CERS6: variants seen among roughly 807,000 people sequenced by gnomAD.
CERS6 encodes LAG1 homolog, ceramide synthase 6.
CERS6 carries 26 observed loss-of-function variants against 56.8 expected under a neutral mutation model. The observed-to-expected ratio is 0.46, with a 90% CI of 0.34 to 0.63. The LOEUF (loss-of-function observed/expected upper bound fraction) is 0.63, where lower values mean the gene tolerates loss of function less well. Among genes scored for constraint, CERS6 ranks in the 30% least tolerant of loss-of-function variants. The probability of loss-of-function intolerance (pLI) is 0.01; values close to 1 mark genes in which losing one functional copy is unlikely to be tolerated. For missense variants in CERS6, 415 were observed against 467.5 expected (o/e 0.89, Z 1.04); for synonymous variants, 164 against 173.3 (o/e 0.95, Z 0.42).
chr2:168,503,760 G>A (rs1308471115), intron 1 of CERS6, among the ~76,000 whole-genome samples: 1 of 152,132 alleles, frequency 6.6e-6, no homozygotes, highest in Non-Finnish European at 1.5e-5. Context: ...GGTGAGGTGA[G>A]TTGACCTTTT....
chr2:168,755,757 A>G (rs182390858), intron 8 of CERS6, among the ~76,000 whole-genome samples: 4 of 152,342 alleles, frequency 2.6e-5, no homozygotes, highest in Admixed American at 2.6e-4. Flanking sequence ...CCAGGCAGCT[A>G]GCAATTCCCT....
At chr2:168,499,151 C>T (rs1237202444) in intron 1 of CERS6, among the ~76,000 whole-genome samples, 1 of 152,060 alleles carries the variant, frequency 6.6e-6, no homozygotes. Context: ...TGATGGGACC[C>T]CTATGGTCAA....
intron 2 of CERS6, among the ~76,000 whole-genome samples, chr2:168,555,817 A>G (rs1384725352): frequency 1.3e-5 from 2 of 151,654 alleles, no homozygotes; most frequent in Admixed American, 6.6e-5. Flanking sequence ...CCAGGCTCAG[A>G]TGCTCTCACA....
chr2:168,642,208 C>CA (rs946131812), intron 4 of CERS6, among the ~76,000 whole-genome samples: 4 of 151,878 alleles, frequency 2.6e-5, no homozygotes, highest in African/African-American at 9.7e-5. Flanking sequence ...GCCGTCTCTA[C>CA]AAAAAAATAT....
At chr2:168,587,838 A>G (rs1683580299) in intron 3 of CERS6, among the ~76,000 whole-genome samples, 1 of 152,112 alleles carries the variant, frequency 6.6e-6, no homozygotes, top group African/African-American at 2.4e-5. Flanking sequence ...CAAGTAGAAC[A>G]TCATAATGAT....
At chr2:168,523,342 AC>A in intron 1 of CERS6, among the ~76,000 whole-genome samples, 1 of 152,090 alleles carries the variant, frequency 6.6e-6, no homozygotes, top group East Asian at 1.9e-4. Context: ...CCTTTCTAGT[AC>A]CCCCAGTAAA....
rs922038074 is a variant in CERS6 at position 168,456,675 on chromosome 2, C to T, written c.170+57C>T. On this transcript the variant is annotated intron_variant, in intron 1 of 9. Coordinates refer to ENST00000305747, the MANE Select transcript of CERS6 (RefSeq NM_203463.3). The surrounding 1 kb of genome is among the most constrained non-coding windows in gnomAD (Gnocchi z 4.1). The stretch of plus-strand genomic sequence containing the variant: ...CCCTGCGCACACACACGCGCGCACA[C>T]ACTCGCGCGCTCTCTGGCGCACGCC... The T allele has an allele frequency of 4.6e-6, 7 of 1,530,144 alleles. No homozygotes were observed. In the African/African-American group the frequency reaches 6.9e-5, roughly 15 times the overall value. The allele number at this position is 1,530,144 out of a possible 1,614,324, so 94.8% of individuals were successfully genotyped here.
At chr2:168,701,319 G>T (rs1389520334) in intron 6 of CERS6, among the ~76,000 whole-genome samples, 3 of 152,118 alleles carry the variant, frequency 2.0e-5, no homozygotes, top group Non-Finnish European at 4.4e-5. Context: ...GAAATAATTT[G>T]TCTAATCAGT....
chr2:168,655,766 T>C (rs1256788028), intron 4 of CERS6, among the ~76,000 whole-genome samples: 3 of 152,192 alleles, frequency 2.0e-5, no homozygotes, highest in Non-Finnish European at 2.9e-5. Context: ...GTAGCAGATA[T>C]GTAGAATGAA....
At chr2:168,507,892 A>G (rs945378398) in intron 1 of CERS6, among the ~76,000 whole-genome samples, 1 of 152,032 alleles carries the variant, frequency 6.6e-6, no homozygotes, top group Non-Finnish European at 1.5e-5. Context: ...CAGATTTATA[A>G]CCATTAGATA....
chr2:168,525,725 A>T (rs1254736885), intron 1 of CERS6, among the ~76,000 whole-genome samples: 5 of 152,334 alleles, frequency 3.3e-5, no homozygotes, highest in African/African-American at 9.6e-5. Flanking sequence ...TTTCAAAAAA[A>T]TTTTTATGGT....
intron 8 of CERS6, 44 bp downstream of exon 8, chr2:168,718,022 A>G: frequency 7.2e-7 from 1 of 1,384,508 alleles, no homozygotes; most frequent in East Asian, 2.3e-5. Flanking sequence ...CCCTTTCCAA[A>G]TAAGCTTTCT....
intron 1 of CERS6, among the ~76,000 whole-genome samples, chr2:168,464,127 G>A (rs1693825805): frequency 6.6e-6 from 1 of 151,066 alleles, no homozygotes; most frequent in Non-Finnish European, 1.5e-5. Flanking sequence ...TCTTAATGTG[G>A]AGTGGTCTTA....
At chr2:168,630,368 C>T (rs1025444410) in intron 3 of CERS6, among the ~76,000 whole-genome samples, 3 of 151,814 alleles carry the variant, frequency 2.0e-5, no homozygotes, top group African/African-American at 7.3e-5. Context: ...ACATTTCCAT[C>T]ATTTAAAATC....
At chr2:168,654,512 C>T (rs1480540308) in intron 4 of CERS6, among the ~76,000 whole-genome samples, 23 of 152,104 alleles carry the variant, frequency 1.5e-4, no homozygotes, top group Admixed American at 1.5e-3. Context: ...CACTGCACTC[C>T]AGCCTGGGTG....
At chr2:168,601,420 G>T (rs571848629) in intron 3 of CERS6, among the ~76,000 whole-genome samples, 1 of 152,198 alleles carries the variant, frequency 6.6e-6, no homozygotes, top group East Asian at 1.9e-4. Context: ...GTGGACCTCT[G>T]CTTTCTGAAG....
chr2:168,747,576 T>C (rs976999335), intron 8 of CERS6, among the ~76,000 whole-genome samples: 1 of 152,204 alleles, frequency 6.6e-6, no homozygotes, highest in Non-Finnish European at 1.5e-5. Flanking sequence ...CAAATTATTT[T>C]CTATGAAGAT....
intron 4 of CERS6, among the ~76,000 whole-genome samples, chr2:168,686,729 G>A (rs1324540867): frequency 6.6e-6 from 1 of 152,080 alleles, no homozygotes. Context: ...AGCCCAGCTG[G>A]CCTAGGTTTG....
intron 8 of CERS6, among the ~76,000 whole-genome samples, chr2:168,723,873 C>G (rs987203570): frequency 1.3e-5 from 2 of 152,186 alleles, no homozygotes; most frequent in African/African-American, 2.4e-5. Context: ...AATTACATAT[C>G]TTTTTGCTAA....
Sources: gnomAD v4.1 joint callset for allele counts (sites outside exome capture counted in the v4.1 genomes callset) on GRCh38, gnomAD v4.1.1 for gene constraint, Gnocchi (gnomAD v3.1) non-coding constraint, MANE v1.5 for transcripts, NCBI Gene and HGNC (gene_info 2026-07-23, HGNC 2026-07-21) for gene names.